CCR3: variants seen among roughly 807,000 people sequenced by gnomAD.
The protein encoded by CCR3 is C-C chemokine receptor type 3.
For missense variants in CCR3, 419 were observed against 437.5 expected, an observed-to-expected ratio of 0.96 and a Z score of 0.38; for synonymous variants, 203 against 179.2, an observed-to-expected ratio of 1.13 and a Z score of -1.06.
chr3:46,220,448 C>A (rs373069787), intron 2 of CCR3, among the ~76,000 whole-genome samples: 13 of 152,154 alleles, frequency 8.5e-5, no homozygotes, highest in African/African-American at 3.1e-4. Flanking sequence ...TATGGAGATT[C>A]CTTAAAGAAC....
intron 2 of CCR3, among the ~76,000 whole-genome samples, chr3:46,235,048 A>G (rs909414864): frequency 1.3e-5 from 2 of 152,192 alleles, no homozygotes; most frequent in Middle Eastern, 3.2e-3. Context: ...TGGCTTTTAA[A>G]TTGGTCAGAT....
chr3:46,266,049 C>A lies in CCR3; in HGVS notation c.891C>A (p.Asn297Lys). Reference protein sequence around the residue: ...EVIAYSHCCMNPVIYAFVGER... With the variant: ...EVIAYSHCCMKPVIYAFVGER... ...TCGCCTACTCCCACTGCTGCATGAACCCGGTGATCTACGCCTTTGTTGGAG... is the reference window on the plus strand; with the variant it reads ...TCGCCTACTCCCACTGCTGCATGAAACCGGTGATCTACGCCTTTGTTGGAG... Residue 297 changes from asparagine (N) to lysine (K), a missense_variant, in exon 2 of 2, where the codon AAC becomes AAA. Coordinates refer to ENST00000395940, the MANE Select transcript of CCR3 (RefSeq NM_178329.3). The A allele has an allele frequency of 1.9e-6, 3 of 1,614,064 alleles. No homozygotes were observed. Among genetic ancestry groups the A allele is most frequent in the Non-Finnish European group, 1.7e-6 (2 of 1,180,018 alleles).
intron 2 of CCR3, among the ~76,000 whole-genome samples, chr3:46,232,106 C>T (rs755354017): frequency 2.4e-4 from 36 of 152,068 alleles, no homozygotes; most frequent in Middle Eastern, 6.8e-3. Context: ...TTTTCTTCAT[C>T]GTCATATTTA....
chr3:46,225,079 G>T (rs1345875329), intron 2 of CCR3, among the ~76,000 whole-genome samples: 1 of 152,128 alleles, frequency 6.6e-6, no homozygotes, highest in Non-Finnish European at 1.5e-5. Context: ...TCATATGAGA[G>T]AATACTATAT....
chr3:46,254,354 G>T (rs1700373933), intron 1 of CCR3, among the ~76,000 whole-genome samples: 1 of 152,156 alleles, frequency 6.6e-6, no homozygotes, highest in Non-Finnish European at 1.5e-5. Flanking sequence ...AGTTTATTGT[G>T]CACACAAAAG....
At chr3:46,253,832 A>G (rs1420767669) in intron 1 of CCR3, among the ~76,000 whole-genome samples, 1 of 152,156 alleles carries the variant, frequency 6.6e-6, no homozygotes, top group East Asian at 1.9e-4. Context: ...AACTGTTTAA[A>G]TTCCACACAG....
intron 2 of CCR3, among the ~76,000 whole-genome samples, chr3:46,216,826 C>A (rs1173927175): frequency 6.6e-6 from 1 of 152,082 alleles, no homozygotes; most frequent in Non-Finnish European, 1.5e-5. Flanking sequence ...ACTACCAAGC[C>A]AGCACTACAA....
rs903633178 is a variant in CCR3, at chr3:46,266,317, C to T, written c.*91C>T. 7 of 771,128 alleles carry T rather than the reference C, an allele frequency of 9.1e-6. No individual in the cohort carries two copies. Among genetic ancestry groups the T allele is most frequent in the Non-Finnish European group, 1.5e-5 (7 of 470,826 alleles). 47.8% of individuals were successfully genotyped at this position (771,128 alleles called of 1,614,324 possible). On this transcript the variant is annotated 3_prime_UTR_variant, in exon 2 of 2. Transcript: ENST00000395940. Reference sequence around the variant, plus strand: ...CACACTCACCTCTAAAACAGTCCTTCAAACTTCCAGTGCAACACTGAAGCT... The same window carrying T: ...CACACTCACCTCTAAAACAGTCCTTTAAACTTCCAGTGCAACACTGAAGCT...
chr3:46,219,272 A>G (rs41337345), intron 2 of CCR3, among the ~76,000 whole-genome samples: 176 of 152,278 alleles, frequency 1.2e-3, no homozygotes, highest in Non-Finnish European at 1.8e-3. Context: ...GAATATACCT[A>G]ATCAAAGAGG....
At chr3:46,256,264 A>C (rs565671730) in intron 1 of CCR3, among the ~76,000 whole-genome samples, 1 of 152,084 alleles carries the variant, frequency 6.6e-6, no homozygotes, top group African/African-American at 2.4e-5. Flanking sequence ...TTCATTTATT[A>C]TTACATCTGG....
intron 2 of CCR3, among the ~76,000 whole-genome samples, chr3:46,233,461 G>A (rs1413155069): frequency 1.3e-5 from 2 of 152,128 alleles, no homozygotes; most frequent in African/African-American, 4.8e-5. Flanking sequence ...TATTTCTGAG[G>A]TTCTTTGCTT....
At chr3:46,243,010 C>CATATATATATATATATATATATATAT (rs1700122551) in intron 1 of CCR3, among the ~76,000 whole-genome samples, 2 of 58,158 alleles carry the variant, frequency 3.4e-5, no homozygotes, top group Non-Finnish European at 6.0e-5. Flanking sequence ...TATACGCACA[C>CATATATATATATATATATATATATAT]ACACATACAT....
At chr3:46,264,351 C>G in intron 1 of CCR3, 2 of 1,125,974 alleles carry the variant, frequency 1.8e-6, no homozygotes, top group Non-Finnish European at 2.6e-6. Flanking sequence ...TGTGATTGTA[C>G]ATGTGTAACA....
chr3:46,242,281 G>C (rs200625644), upstream of CCR3: 1 of 152,124 alleles, frequency 6.6e-6, no homozygotes, highest in Admixed American at 6.5e-5. Context: ...AGAACTGCAC[G>C]AAAGTATCTT....
rs578143717 is a variant in CCR3 at position 46,219,726 on chromosome 3, A to T, written c.-68+8819A>T. Among the ~76,000 whole-genome samples, 3 of 152,296 alleles carry T rather than the reference A, an allele frequency of 2.0e-5. No individual in the cohort carries two copies. The South Asian group carries it at 6.2e-4, about 32-fold the overall frequency. Reference sequence around the variant, plus strand: ...CTGATCTTTGACAAAGCAAACAAAAACATAAAGTGGGGAAAGGACACCCTT... The same window carrying T: ...CTGATCTTTGACAAAGCAAACAAAATCATAAAGTGGGGAAAGGACACCCTT... On this transcript the variant is annotated intron_variant, in intron 2 of 3. Coordinates refer to the CCR3 transcript ENST00000357422.
chr3:46,265,431 C>A lies in CCR3; in HGVS notation c.273C>A (p.Ile91=), dbSNP rs771429038. 5 of 1,614,202 alleles carry A rather than the reference C, an allele frequency of 3.1e-6. No individual in the cohort carries two copies. The highest frequency in any genetic ancestry group is 3.4e-6 in the Non-Finnish European group (4 of 1,180,028). ...TCCTCGTCACCCTTCCATTCTGGATCCACTATGTCAGGGGGCATAACTGGG... is the reference window on the plus strand; with the variant it reads ...TCCTCGTCACCCTTCCATTCTGGATACACTATGTCAGGGGGCATAACTGGG... The part of the protein sequence containing the change: ...LLFLVTLPFW[I]HYVRGHNWVF... The change falls in exon 2 of 2, where the codon ATC becomes ATA. Residue 91 remains isoleucine (I), a synonymous_variant. Transcript: ENST00000395940.
At chr3:46,219,718 A>C (rs1422364741) in intron 2 of CCR3, among the ~76,000 whole-genome samples, 2 of 152,154 alleles carry the variant, frequency 1.3e-5, no homozygotes, top group Non-Finnish European at 2.9e-5. Context: ...TTGACAAAGC[A>C]AACAAAAACA....
intron 1 of CCR3, among the ~76,000 whole-genome samples, chr3:46,243,556 T>C (rs1341802427): frequency 6.6e-6 from 1 of 152,144 alleles, no homozygotes; most frequent in Non-Finnish European, 1.5e-5. Flanking sequence ...TACCGATTCT[T>C]CTGGAAACGC....
intron 1 of CCR3, among the ~76,000 whole-genome samples, chr3:46,246,936 T>A (rs562771726): frequency 2.6e-5 from 4 of 151,722 alleles, no homozygotes; most frequent in African/African-American, 7.3e-5. Context: ...GTGGGGATGT[T>A]AGAAGAAACA....
Sources: gnomAD v4.1 joint callset for allele counts (sites outside exome capture counted in the v4.1 genomes callset) on GRCh38, gnomAD v4.1.1 for gene constraint, MANE v1.5 for transcripts, NCBI Gene and HGNC (gene_info 2026-07-23, HGNC 2026-07-21) for gene names.